AFF1: variants seen among roughly 807,000 people sequenced by gnomAD.
AFF1 encodes the protein ALF transcription elongation factor 1.
AFF1 carries 48 observed loss-of-function variants against 121.7 expected under a neutral mutation model. The ratio of observed to expected loss-of-function variants is 0.39; its 90% CI spans 0.31 to 0.50. The LOEUF (loss-of-function observed/expected upper bound fraction) is 0.50, where lower values mean the gene tolerates loss of function less well. AFF1 is among the 20% of genes least tolerant of loss of function. AFF1 has a pLI of 0.76. For missense variants in AFF1, 1,523 were observed against 1,511.7 expected, an observed-to-expected ratio of 1.01 and a Z score of -0.12; for synonymous variants, 613 against 563.0, an observed-to-expected ratio of 1.09 and a Z score of -1.26.
chr4:87,056,110 G>GT (rs1720114781), intron 4 of AFF1, among the ~76,000 whole-genome samples: 1 of 151,782 alleles, frequency 6.6e-6, no homozygotes, highest in African/African-American at 2.4e-5. Context: ...TAACCCCGTG[G>GT]TAATTTGTCA....
intron 2 of AFF1, among the ~76,000 whole-genome samples, chr4:86,971,174 A>G (rs747442538): frequency 9.8e-5 from 15 of 152,312 alleles, no homozygotes; most frequent in Non-Finnish European, 1.9e-4. Context: ...GAGAAAGTCA[A>G]ATGTTTGGCA....
At position 87,001,207 on chromosome 4, in the gene AFF1, C is replaced by CTTTTTTTTTTTTT; in HGVS notation, c.39-44944_39-44932dup. 2.6e-3 allele frequency among the ~76,000 whole-genome samples: 157 copies of CTTTTTTTTTTTTT among 60,318 alleles called. 46 individuals carry two copies. The highest frequency in any genetic ancestry group is 3.7e-3 in the Non-Finnish European group (123 of 33,310). The allele number at this position is 60,318 out of a possible 152,430, so 39.6% of individuals were successfully genotyped here. ...TGAGAGGACTGCTTTCCTTTTTCTA[C>CTTTTTTTTTTTTT]TTTTTTTTTTTTTTTTTTTTTTTTT... On this transcript the variant is annotated intron_variant, in intron 2 of 20. Coordinates refer to ENST00000395146, the MANE Select transcript of AFF1 (RefSeq NM_001166693.3).
At chr4:86,952,479 G>A (rs1721420853) in intron 2 of AFF1, among the ~76,000 whole-genome samples, 1 of 152,018 alleles carries the variant, frequency 6.6e-6, no homozygotes, top group Non-Finnish European at 1.5e-5. Flanking sequence ...TATTATCATT[G>A]GCATGATTAA....
chr4:86,991,854 T>TA lies in AFF1; in HGVS notation c.38+43284dup, dbSNP rs1553913813. Among the ~76,000 whole-genome samples, 955 of 148,560 alleles carry TA rather than the reference T, an allele frequency of 6.4e-3. 9 individuals carry two copies. Among genetic ancestry groups the TA allele is most frequent in the African/African-American group, 0.023 (891 of 39,078 alleles). ...AATTGCTTTTTTTTTTTTTTTTTTT[T>TA]ACATCCTTTTCCATTATTGAAATAT... On this transcript the variant is annotated intron_variant, in intron 2 of 20. Coordinates refer to ENST00000395146, the MANE Select transcript of AFF1 (RefSeq NM_001166693.3).
intron 2 of AFF1, among the ~76,000 whole-genome samples, chr4:87,035,346 G>A (rs1270666824): frequency 6.6e-6 from 1 of 152,104 alleles, no homozygotes; most frequent in Non-Finnish European, 1.5e-5. Context: ...CAGATCACGA[G>A]GTCAGGAGAT....
chr4:87,024,768 T>C (rs1447432600), intron 2 of AFF1, among the ~76,000 whole-genome samples: 1 of 152,054 alleles, frequency 6.6e-6, no homozygotes. Flanking sequence ...TATTTATTTA[T>C]TTTTTAGTAG....
chr4:86,970,753 A>C (rs987321948), intron 2 of AFF1, among the ~76,000 whole-genome samples: 1 of 152,184 alleles, frequency 6.6e-6, no homozygotes, highest in African/African-American at 2.4e-5. Context: ...TCGAGCAGAG[A>C]CCTGAGGAAG....
At chr4:87,007,579 A>C (rs1726292882) in intron 2 of AFF1, among the ~76,000 whole-genome samples, 3 of 152,210 alleles carry the variant, frequency 2.0e-5, no homozygotes, top group Admixed American at 2.0e-4. Flanking sequence ...ACTAAATGTC[A>C]GATAAAAAGC....
rs200604128 is a variant in AFF1 at position 87,140,849 on chromosome 4, G to GT, written c.*5157dup. 6.4e-4 allele frequency: 118 copies of GT among 184,128 alleles called. No homozygotes were observed. Among genetic ancestry groups the GT allele is most frequent in the African/African-American group, 1.2e-3 (50 of 42,478 alleles). 11.4% of individuals were successfully genotyped at this position (184,128 alleles called of 1,614,324 possible). On this transcript the variant is annotated 3_prime_UTR_variant, in exon 21 of 21. Coordinates refer to ENST00000395146, the MANE Select transcript of AFF1 (RefSeq NM_001166693.3). ...ATATGTGATCTGTGAGAGAATTATA[G>GT]TTTTTTTTTAGAAGAAAAATCTGCA...
chr4:87,005,660 T>C (rs1169388680), intron 2 of AFF1, among the ~76,000 whole-genome samples: 1 of 152,264 alleles, frequency 6.6e-6, no homozygotes, highest in Non-Finnish European at 1.5e-5. Context: ...ACAGCCATTG[T>C]ACTTAAGTGT....
chr4:87,133,117 A>G (rs1431835268), intron 19 of AFF1, among the ~76,000 whole-genome samples: 1 of 152,224 alleles, frequency 6.6e-6, no homozygotes, highest in African/African-American at 2.4e-5. Flanking sequence ...ATTTCAGTAA[A>G]CAAGAAATTT....
At chr4:86,957,771 A>C (rs1721848086) in intron 2 of AFF1, among the ~76,000 whole-genome samples, 1 of 152,010 alleles carries the variant, frequency 6.6e-6, no homozygotes, top group African/African-American at 2.4e-5. Flanking sequence ...CAAACTCCTG[A>C]CCTCAGGTGA....
intron 18 of AFF1, 23 bp downstream of exon 18, chr4:87,131,887 A>G (rs766956706): frequency 1.4e-5 from 22 of 1,527,834 alleles, no homozygotes; most frequent in Non-Finnish European, 1.8e-5. Context: ...CTTTGTCTAA[A>G]TAGTACTAAA....
intron 4 of AFF1, among the ~76,000 whole-genome samples, chr4:87,065,394 G>A (rs1248092112): frequency 6.6e-6 from 1 of 152,068 alleles, no homozygotes; most frequent in African/African-American, 2.4e-5. Flanking sequence ...GGGAATTCAA[G>A]ATGAGATTTG....
intron 4 of AFF1, chr4:87,049,577 G>GT (rs565714120): frequency 0.027 from 8,799 of 331,754 alleles, 2 homozygotes; most frequent in South Asian, 0.033. Context: ...GAAGAATGGG[G>GT]TTTTTTTTTT....
chr4:87,091,038 A>G (rs1489403047), intron 6 of AFF1, among the ~76,000 whole-genome samples: 1 of 151,606 alleles, frequency 6.6e-6, no homozygotes, highest in Non-Finnish European at 1.5e-5. Context: ...AAAAAAAAAA[A>G]AAAAAAGGTT....
chr4:86,998,093 C>T (rs1173547729), intron 2 of AFF1, among the ~76,000 whole-genome samples: 4 of 82,918 alleles, frequency 4.8e-5, no homozygotes, highest in African/African-American at 8.4e-5. Context: ...AGCGAAACTC[C>T]GTCTCAAAAA....
intron 13 of AFF1, among the ~76,000 whole-genome samples, chr4:87,125,740 G>A (rs1334641409): frequency 6.6e-6 from 1 of 152,196 alleles, no homozygotes; most frequent in Non-Finnish European, 1.5e-5. Flanking sequence ...GTGTCACCGT[G>A]TGGGAACCGA....
intron 2 of AFF1, among the ~76,000 whole-genome samples, chr4:87,013,813 G>C (rs1471236575): frequency 5.9e-5 from 9 of 152,050 alleles, no homozygotes; most frequent in African/African-American, 2.2e-4. Flanking sequence ...GTGGGTGCTT[G>C]TTAGTATGCA....
Sources: gnomAD v4.1 joint callset for allele counts (sites outside exome capture counted in the v4.1 genomes callset) on GRCh38, gnomAD v4.1.1 for gene constraint, MANE v1.5 for transcripts, NCBI Gene and HGNC (gene_info 2026-07-23, HGNC 2026-07-21) for gene names.